CEP72: variants seen among roughly 807,000 people sequenced by gnomAD.
CEP72 encodes the protein centrosomal protein 72.
Under a neutral mutation model 65.7 loss-of-function variants are expected in CEP72, and 78 were observed. That is an observed-to-expected ratio of 1.19 (90% CI 0.99 to 1.43). The LOEUF is 1.43. Ranked by LOEUF, CEP72 falls within the 40% of genes most tolerant of loss-of-function variation. CEP72 has a pLI of 0.00. For synonymous variants in CEP72, 358 were observed against 351.7 expected, an observed-to-expected ratio of 1.02 and a Z score of -0.20; for missense variants, 914 against 832.9, an observed-to-expected ratio of 1.10 and a Z score of -1.20.
At chr5:628,053 G>A (rs947125443) in intron 4 of CEP72, among the ~76,000 whole-genome samples, 3 of 152,192 alleles carry the variant, frequency 2.0e-5, no homozygotes, top group African/African-American at 4.8e-5. Context: ...TATACCACAC[G>A]CGACTTTTAA....
At chr5:654,066 CTGTGTGTGCGCCTAGTG>C (rs1022684745), downstream of CEP72, among the ~76,000 whole-genome samples, 34 of 124,770 alleles carry the variant, frequency 2.7e-4, 1 homozygote, top group South Asian at 9.0e-3. Flanking sequence ...TGTGTGTGTG[CTGTGTGTGCGCCTAGTG>C]TGTGTGTGCT....
chr5:640,069 G>A (rs1337849430), intron 8 of CEP72, among the ~76,000 whole-genome samples: 1 of 152,254 alleles, frequency 6.6e-6, no homozygotes, highest in Non-Finnish European at 1.5e-5. Context: ...GTGTGGAGTT[G>A]CCAGCTGTCG....
chr5:675,611 G>A, the CEP72 span, among the ~76,000 whole-genome samples: 2 of 151,714 alleles, frequency 1.3e-5, no homozygotes, highest in East Asian at 1.9e-4. Context: ...GGTACAGTGT[G>A]GCCGGGAGTG....
intron 3 of CEP72, among the ~76,000 whole-genome samples, chr5:665,543 CCCA>C (rs1433529791): frequency 6.6e-6 from 1 of 151,898 alleles, no homozygotes; most frequent in East Asian, 1.9e-4. Flanking sequence ...AGTTGGGGAC[CCCA>C]CCACCTGCAC....
At chr5:629,148 G>A (rs960907418) in intron 4 of CEP72, among the ~76,000 whole-genome samples, 3 of 151,992 alleles carry the variant, frequency 2.0e-5, no homozygotes. Context: ...AACTGCCTTT[G>A]TTGGAAACAA....
the CEP72 span, among the ~76,000 whole-genome samples, chr5:675,397 T>C: frequency 7.0e-5 from 6 of 85,870 alleles, no homozygotes; most frequent in Admixed American, 4.2e-4. Context: ...GAGGGTGCAG[T>C]GTGGCCAGGG....
Position 640,539 on chromosome 5 carries a change from C to T in CEP72, c.1474C>T (p.Gln492Ter), listed in dbSNP as rs773068124. Reference sequence around the variant, plus strand: ...CCTGCAAAGCCGCCTTGCTGAGCAGCAGCAGCAGCACGCCCGGGAGATGAG... The same window carrying T: ...CCTGCAAAGCCGCCTTGCTGAGCAGTAGCAGCAGCACGCCCGGGAGATGAG... Reference protein sequence around the residue: ...KSLQSRLAEQQQQHAREMSEV... With the variant: ...KSLQSRLAEQ The change falls in exon 9 of 12, where the codon CAG becomes TAG. Residue 492 changes from glutamine (Q) to a stop codon, truncating the protein, a stop_gained. Transcript: ENST00000264935. LOFTEE classifies it high-confidence loss of function. The T allele has an allele frequency of 6.2e-7, 1 of 1,614,158 alleles. No homozygotes were observed. Among genetic ancestry groups the T allele is most frequent in the Admixed American group, 1.7e-5 (1 of 60,036 alleles).
chr5:673,683 G>T, the CEP72 span, among the ~76,000 whole-genome samples: 2 of 152,222 alleles, frequency 1.3e-5, no homozygotes, highest in Non-Finnish European at 2.9e-5. Flanking sequence ...GTCAGCCAAG[G>T]CTGGCACACC....
downstream of CEP72, among the ~76,000 whole-genome samples, chr5:668,267 G>A (rs564222822): frequency 2.7e-4 from 7 of 25,748 alleles, no homozygotes; most frequent in African/African-American, 2.7e-3. Flanking sequence ...ACAAGCACAC[G>A]GAGAGGGGTC....
At chr5:658,726 T>C (rs1260633839), downstream of CEP72, among the ~76,000 whole-genome samples, 1 of 131,334 alleles carries the variant, frequency 7.6e-6, no homozygotes, top group Non-Finnish European at 1.6e-5. Flanking sequence ...TGGAGTGCAG[T>C]GGCGTGATCT....
downstream of CEP72, chr5:660,226 TATAA>T (rs979550770): frequency 2.8e-5 from 4 of 144,624 alleles, no homozygotes; most frequent in African/African-American, 1.1e-4. Context: ...TATATATATA[TATAA>T]ATTTGTTTCC....
At chr5:638,218 C>G (rs1469539735) in intron 7 of CEP72, among the ~76,000 whole-genome samples, 35 of 152,190 alleles carry the variant, frequency 2.3e-4, no homozygotes, top group Non-Finnish European at 7.3e-5. Context: ...CATTTGTCTC[C>G]AAAGCTGGAA....
intron 5 of CEP72, among the ~76,000 whole-genome samples, chr5:635,015 C>T (rs1737491777): frequency 6.6e-6 from 1 of 152,222 alleles, no homozygotes; most frequent in African/African-American, 2.4e-5. Context: ...CCTGCCTCAG[C>T]CTCCCAAGTA....
chr5:649,860 CGT>C (rs1738833018), intron 11 of CEP72, among the ~76,000 whole-genome samples: 1 of 59,454 alleles, frequency 1.7e-5, no homozygotes, highest in Non-Finnish European at 3.7e-5. Flanking sequence ...GACTGTGAGG[CGT>C]GACTGAGGTG....
At chr5:669,450 T>A (rs564192996), downstream of CEP72, among the ~76,000 whole-genome samples, 4 of 152,206 alleles carry the variant, frequency 2.6e-5, no homozygotes, top group African/African-American at 9.6e-5. Context: ...ACAGTGCCCA[T>A]TGGGCCCTGT....
chr5:637,941 C>A, intron 7 of CEP72, 123 bp downstream of exon 7: 2 of 961,690 alleles, frequency 2.1e-6, no homozygotes, highest in East Asian at 2.7e-5. Flanking sequence ...TGATGCAGGG[C>A]TGTTACGGCG....
rs1223676977 is a variant in CEP72 at position 644,297 on chromosome 5, A to G, written c.1540-2A>G. 6.2e-7 allele frequency: 1 copy of G among 1,613,280 alleles called. No homozygotes were observed. The highest frequency in any genetic ancestry group is 2.2e-5 in the East Asian group (1 of 44,874). The stretch of plus-strand genomic sequence containing the variant: ...ACTTAAGTGTATTTTCTGTGTCCGC[A>G]GGATGATTTGAGACAACATTTAGAT... On this transcript the variant is annotated splice_acceptor_variant, in intron 9 of 11. Coordinates refer to ENST00000264935, the MANE Select transcript of CEP72 (RefSeq NM_018140.4). LOFTEE classifies it high-confidence loss of function.
intron 9 of CEP72, chr5:642,449 G>A: frequency 1.0e-6 from 1 of 985,484 alleles, no homozygotes; most frequent in Non-Finnish European, 1.2e-6. Flanking sequence ...AGTGAGCTGG[G>A]CGCCGTCACT....
rs766922471 is a variant in CEP72 at position 647,892 on chromosome 5, C to T, written c.1754C>T (p.Thr585Met). The T allele has an allele frequency of 1.4e-5, 22 of 1,612,008 alleles. No individual in the cohort carries two copies. The highest frequency in any genetic ancestry group is 1.7e-4 in the Middle Eastern group (1 of 5,828). Residue 585 changes from threonine to methionine, a missense_variant, in exon 11 of 12, where the codon ACG (threonine) becomes ATG (methionine). Thr to Met is a moderately conservative substitution (Grantham distance 81). Transcript: ENST00000264935. ...LEHYDKIQEL[T>M]QMLQESHSSL... ...CACTACGACAAGATCCAGGAGCTCA[C>T]GCAGATGCTGCAGGAGAGCCACAGG...
Sources: gnomAD v4.1 joint callset for allele counts (sites outside exome capture counted in the v4.1 genomes callset) on GRCh38, gnomAD v4.1.1 for gene constraint, MANE v1.5 for transcripts, NCBI Gene and HGNC (gene_info 2026-07-23, HGNC 2026-07-21) for gene names.